Variants in CYGB observed in about 807,000 individuals in gnomAD.
CYGB encodes cytoglobin, also known as histoglobin.
CYGB carries 13 observed loss-of-function variants against 20.7 expected under a neutral mutation model. The ratio of observed to expected loss-of-function variants is 0.63; its 90% confidence interval spans 0.41 to 1.00. The LOEUF is 1.00. CYGB is among the 50% of genes least tolerant of loss of function. CYGB has a pLI of 0.00. For missense variants in CYGB, 218 were observed against 257.2 expected, an observed-to-expected ratio of 0.85 and a Z score of 1.04; for synonymous variants, 93 against 107.4, an observed-to-expected ratio of 0.87 and a Z score of 0.83.
chr17:76,534,112 T>TC (rs2074882889), intron 1 of CYGB, among the ~76,000 whole-genome samples: 3 of 135,728 alleles, frequency 2.2e-5, no homozygotes, highest in Non-Finnish European at 3.4e-5. Context: ...TCTTTCTTTC[T>TC]TCTTTCTTTC....
Position 76,530,056 on chromosome 17 carries a change from G to A in CYGB, c.539+923C>T. ...GAAGGGCCGGCAGTCTTGGGGGCCC[G>A]TGCAGAGCCCGGCGGGAGACGCCGC... is the stretch of plus-strand genomic sequence containing the variant. On this transcript the variant is annotated intron_variant, in intron 3 of 3. Transcript: ENST00000293230. The surrounding 1 kb of genome is among the most constrained non-coding windows in gnomAD (Gnocchi z 6.1). 5.1e-6 allele frequency: 5 copies of A among 985,346 alleles called. No individual in the cohort carries two copies. Among genetic ancestry groups the A allele is most frequent in the Non-Finnish European group, 6.0e-6 (5 of 829,900 alleles). 61.0% of individuals were successfully genotyped at this position (985,346 alleles called of 1,614,324 possible). A position where few individuals can be genotyped will look rare whatever the true frequency, so the allele number is the denominator to read the frequency against.
At chr17:76,540,613 C>T, upstream of CYGB, 1 of 1,595,880 alleles carries the variant, frequency 6.3e-7, no homozygotes, top group Non-Finnish European at 8.6e-7. This position sits in a 1 kb window ranked among gnomAD's most constrained non-coding sequence, Gnocchi z 5.0. Context: ...AGGGTGCTGC[C>T]AAGGAAGCTG....
intron 1 of CYGB, among the ~76,000 whole-genome samples, chr17:76,548,781 C>T (rs914530231): frequency 2.0e-5 from 3 of 152,196 alleles, no homozygotes; most frequent in Non-Finnish European, 2.9e-5. Flanking sequence ...GATCCAGAAA[C>T]GGATTAAGAC....
exon 1 of CYGB, chr17:76,550,888 C>T (rs140579323): frequency 6.6e-6 from 1 of 152,210 alleles, no homozygotes. Context: ...TGCTAAGTGC[C>T]CCGAAGCACT....
intron 1 of CYGB, chr17:76,532,035 G>A (rs1363443388): frequency 9.5e-6 from 2 of 210,104 alleles, no homozygotes; most frequent in Non-Finnish European, 1.9e-5. Context: ...CTCAGGTTCT[G>A]GAATCATGAG....
chr17:76,540,377 G>A, upstream of CYGB: 2 of 1,292,932 alleles, frequency 1.5e-6, no homozygotes, highest in Non-Finnish European at 2.2e-6. This position sits in a 1 kb window ranked among gnomAD's most constrained non-coding sequence, Gnocchi z 5.0. Context: ...AGAGCAGGGG[G>A]ACTTAGAGCT....
chr17:76,529,156 G>C (rs2074803263), intron 3 of CYGB: 1 of 984,908 alleles, frequency 1.0e-6, no homozygotes, highest in South Asian at 4.7e-5. Flanking sequence ...AGTTGGGCGA[G>C]GGCCTTCTAG....
At position 76,546,091 on chromosome 17, in the gene CYGB, C is replaced by T. The variant is rs2075050167; in HGVS notation, c.-53+4771G>A. 6.6e-6 allele frequency: 1 copy of T among 152,534 alleles called. No individual in the cohort carries two copies. Among genetic ancestry groups the T allele is most frequent in the Admixed American group, 6.5e-5 (1 of 15,294 alleles). 9.4% of individuals were successfully genotyped at this position (152,534 alleles called of 1,614,324 possible). ...CAGCTGGCTCTGCTTCCGGAATGAA[C>T]CTCAGCTCCTTGACAAGACGGGAGG... is the stretch of plus-strand genomic sequence containing the variant. On this transcript the variant is annotated intron_variant, in intron 1 of 3. Transcript: ENST00000589145. The surrounding 1 kb of genome is among the most constrained non-coding windows in gnomAD (Gnocchi z 4.5).
At chr17:76,532,455 T>C (rs954766256) in intron 1 of CYGB, among the ~76,000 whole-genome samples, 7 of 151,920 alleles carry the variant, frequency 4.6e-5, no homozygotes, top group African/African-American at 1.7e-4. Context: ...CGTGTCAGAC[T>C]GGATCCCAAG....
exon 1 of CYGB, chr17:76,550,909 A>C (rs979746734): frequency 6.6e-6 from 1 of 152,226 alleles, no homozygotes; most frequent in African/African-American, 2.4e-5. Flanking sequence ...GATTTAACGA[A>C]GTCCCGTGAT....
Position 76,544,486 on chromosome 17 carries a change from GCGAA to G in CYGB, c.-53+6372_-53+6375del, listed in dbSNP as rs1365415006. ...CTCGGGGAGCCTGGCTGGGGTGTGT[GCGAA>G]GGCAGTTCTGTGGGAGCCTCTCAAA... On this transcript the variant is annotated intron_variant, in intron 1 of 3. Transcript: ENST00000589145. 3 of 455,836 alleles carry G rather than the reference GCGAA, an allele frequency of 6.6e-6. No individual in the cohort carries two copies. In the East Asian group the frequency reaches 2.1e-4, roughly 32 times the overall value. 28.2% of individuals were successfully genotyped at this position (455,836 alleles called of 1,614,324 possible).
chr17:76,547,953 TACACACAC>T (rs201737890), intron 1 of CYGB, among the ~76,000 whole-genome samples: 2 of 149,342 alleles, frequency 1.3e-5, no homozygotes, highest in Non-Finnish European at 3.0e-5. Context: ...CACACACATA[TACACACAC>T]ATACACATAA....
At chr17:76,543,899 G>A (rs2075021760) in intron 1 of CYGB, 1 of 470,896 alleles carries the variant, frequency 2.1e-6, no homozygotes, top group Admixed American at 2.3e-5. Flanking sequence ...CTGGATGGGA[G>A]CAACGGACAG....
At chr17:76,548,180 G>A (rs145617118) in intron 1 of CYGB, among the ~76,000 whole-genome samples, 96 of 150,418 alleles carry the variant, frequency 6.4e-4, no homozygotes, top group African/African-American at 2.2e-3. Flanking sequence ...CATATACACC[G>A]ACACATACAC....
Position 76,531,346 on chromosome 17 carries a change from C to G in CYGB, c.375+114G>C, listed in dbSNP as rs1026609632. The stretch of plus-strand genomic sequence containing the variant: ...TGCCGGGCACTGCCCCTCCCTCTCG[C>G]AGCCACTCCGGGGATCACCTCTGTT... On this transcript the variant is annotated intron_variant, in intron 2 of 3. Coordinates refer to ENST00000293230, the MANE Select transcript of CYGB (RefSeq NM_134268.5). The surrounding 1 kb of genome is among the most constrained non-coding windows in gnomAD (Gnocchi z 7.4). 1 of 1,365,432 alleles carries G rather than the reference C, an allele frequency of 7.3e-7. No homozygotes were observed. The allele number at this position is 1,365,432 out of a possible 1,614,324, so 84.6% of individuals were successfully genotyped here. A position where few individuals can be genotyped will look rare whatever the true frequency, so the allele number is the denominator to read the frequency against.
chr17:76,532,989 G>A lies in CYGB; in HGVS notation c.144-1298C>T, dbSNP rs568563457. Among the ~76,000 whole-genome samples, 12 of 152,304 alleles carry A rather than the reference G, an allele frequency of 7.9e-5. No individual in the cohort carries two copies. In the East Asian group the frequency reaches 2.1e-3, roughly 27 times the overall value. ...TTCTTCCAGGTTGTTCTGCCCCTTC[G>A]TGTGTCCCCTTTGCGATCAGAGAGA... On this transcript the variant is annotated intron_variant, in intron 1 of 3. Transcript: ENST00000293230.
chr17:76,549,076 G>C (rs1011443468), intron 1 of CYGB, among the ~76,000 whole-genome samples: 1 of 152,100 alleles, frequency 6.6e-6, no homozygotes, highest in African/African-American at 2.4e-5. Context: ...GAGAAAGAAA[G>C]GTCCTTTCAA....
rs1240599318 is a variant in CYGB at position 76,528,979 on chromosome 17, C to T, written c.540-368G>A. 8.8e-6 allele frequency: 9 copies of T among 1,027,502 alleles called. No individual in the cohort carries two copies. Among genetic ancestry groups the T allele is most frequent in the Non-Finnish European group, 1.0e-5 (9 of 858,008 alleles). 63.6% of individuals were successfully genotyped at this position (1,027,502 alleles called of 1,614,324 possible). A position where few individuals can be genotyped will look rare whatever the true frequency, so the allele number is the denominator to read the frequency against. ...GCATTCTGTCCGGCCTGTCTCGTCC[C>T]TCCTCGGGCCACCCATCTGTATTCT... On this transcript the variant is annotated intron_variant, in intron 3 of 3. Transcript: ENST00000293230. This position sits in a 1 kb window ranked among gnomAD's most constrained non-coding sequence, Gnocchi z 5.8.
At chr17:76,540,408 C>T, upstream of CYGB, 1 of 1,405,632 alleles carries the variant, frequency 7.1e-7, no homozygotes, top group South Asian at 1.2e-5. The surrounding 1 kb of genome is among the most constrained non-coding windows in gnomAD (Gnocchi z 5.0). Context: ...TAGTTGCAGC[C>T]TCTACTCCCA....
Sources: allele counts gnomAD v4.1 joint callset (sites outside exome capture counted in the v4.1 genomes callset), GRCh38; gene constraint gnomAD v4.1.1; non-coding constraint Gnocchi (gnomAD v3.1); transcripts MANE v1.5; gene names NCBI Gene and HGNC (gene_info 2026-07-23, HGNC 2026-07-21).